PRKAG2: variants seen among roughly 807,000 people sequenced by gnomAD.
PRKAG2 encodes the protein protein kinase AMP-activated non-catalytic subunit gamma 2.
In PRKAG2, 26 loss-of-function variants were observed where a neutral mutation model predicts 69.6. That is an observed-to-expected ratio of 0.37 (90% CI 0.27 to 0.52). The LOEUF is 0.52. Ranked by LOEUF, PRKAG2 falls within the 20% of genes least tolerant of loss-of-function variation. The pLI is 0.90. For missense variants in PRKAG2, 557 were observed against 740.0 expected (o/e 0.75, Z 2.87); for synonymous variants, 293 against 285.0 (o/e 1.03, Z -0.28).
intron 2 of PRKAG2, among the ~76,000 whole-genome samples, chr7:151,783,434 G>A (rs1031362638): frequency 6.6e-6 from 1 of 152,020 alleles, no homozygotes; most frequent in East Asian, 1.9e-4. Context: ...TCCACCTCCC[G>A]GGCTCAAGCA....
At position 151,583,587 on chromosome 7, in the gene PRKAG2, A is replaced by G. The variant is rs1419729897; in HGVS notation, c.865-7135T>C. Among the ~76,000 whole-genome samples, 2 of 152,182 alleles carry G rather than the reference A, an allele frequency of 1.3e-5. No individual in the cohort carries two copies. The highest frequency in any genetic ancestry group is 2.9e-5 in the Non-Finnish European group (2 of 68,038). ...TAAAATCATACTTGGAAAATTCTCC[A>G]TAATTATAGACGGCACAGGGTGTTC... On this transcript the variant is annotated intron_variant, in intron 6 of 15. Transcript: ENST00000287878. This position sits in a 1 kb window ranked among gnomAD's most constrained non-coding sequence, Gnocchi z 4.1.
chr7:151,774,851 C>G (rs140122054), intron 3 of PRKAG2, among the ~76,000 whole-genome samples: 3 of 152,096 alleles, frequency 2.0e-5, no homozygotes, highest in Non-Finnish European at 2.9e-5. Context: ...TTATCAAGCT[C>G]TGGTGTATAT....
intron 3 of PRKAG2, among the ~76,000 whole-genome samples, chr7:151,748,938 A>G (rs2074482503): frequency 6.8e-6 from 1 of 146,526 alleles, no homozygotes. Context: ...TTTGCTAATC[A>G]TTCGCCAAAA....
rs397517275 is a variant in PRKAG2 at position 151,675,510 on chromosome 7, CG to C, written c.593del (p.Pro198ArgfsTer56). The C allele has an allele frequency of 1.2e-6, 2 of 1,613,918 alleles. No homozygotes were observed. The highest frequency in any genetic ancestry group is 1.3e-5 in the African/African-American group (1 of 74,902). ...ACGGGCAGAACCTCTGCCCTGTGTC[CG>C]GGGGGGAAGACGAGGCATAGATGCG... Reference protein sequence around the residue: ...ENRIYASSSPPDTGQRFCPSS... With the variant: ...ENRIYASSSPXDTGQRFCPSS... On this transcript the variant is annotated frameshift_variant, in exon 4 of 16. Transcript: ENST00000287878. LOFTEE classifies it high-confidence loss of function.
chr7:151,562,602 A>G (rs1234014508), intron 14 of PRKAG2, among the ~76,000 whole-genome samples: 2 of 152,178 alleles, frequency 1.3e-5, no homozygotes, highest in African/African-American at 4.8e-5. Context: ...TTATTTGCTA[A>G]CTATAATCAC....
intron 6 of PRKAG2, among the ~76,000 whole-genome samples, chr7:151,582,905 T>C (rs1011576380): frequency 6.6e-6 from 1 of 152,212 alleles, no homozygotes; most frequent in Non-Finnish European, 1.5e-5. Flanking sequence ...AGGGTGTGGA[T>C]TGAATAGGCT....
intron 1 of PRKAG2, among the ~76,000 whole-genome samples, chr7:151,862,856 T>G (rs547965601): frequency 5.1e-4 from 73 of 143,756 alleles, no homozygotes; most frequent in African/African-American, 1.9e-3. Flanking sequence ...GGTAGATCCC[T>G]GGGTTCAGAG....
chr7:151,776,727 G>A (rs7809589), intron 3 of PRKAG2, among the ~76,000 whole-genome samples: 2 of 152,134 alleles, frequency 1.3e-5, no homozygotes, highest in African/African-American at 2.4e-5. Flanking sequence ...AGGCCCAGCC[G>A]GGGCAGTGCA....
intron 15 of PRKAG2, 55 bp downstream of exon 15, chr7:151,560,469 C>A: frequency 1.2e-6 from 2 of 1,613,564 alleles, no homozygotes; most frequent in South Asian, 2.2e-5. Context: ...ACTTCCTGTT[C>A]TACCTCCCAC....
intron 3 of PRKAG2, among the ~76,000 whole-genome samples, chr7:151,709,719 T>C (rs570712186): frequency 1.1e-3 from 162 of 152,280 alleles, no homozygotes; most frequent in African/African-American, 3.6e-3. Context: ...ACAAGTGACA[T>C]TGCGTGACAC....
intron 3 of PRKAG2, among the ~76,000 whole-genome samples, chr7:151,770,535 T>A (rs535364625): frequency 6.6e-6 from 1 of 152,348 alleles, no homozygotes; most frequent in African/African-American, 2.4e-5. Context: ...TCCCAGCCTG[T>A]CAGAATGGTG....
chr7:151,677,181 AAT>A (rs1443567385), intron 3 of PRKAG2, among the ~76,000 whole-genome samples: 5 of 151,908 alleles, frequency 3.3e-5, no homozygotes, highest in Non-Finnish European at 5.9e-5. Flanking sequence ...TGATATCTCA[AAT>A]CTCTTTTTCT....
At chr7:151,623,864 G>C (rs1394259578) in intron 5 of PRKAG2, among the ~76,000 whole-genome samples, 1 of 152,126 alleles carries the variant, frequency 6.6e-6, no homozygotes, top group Non-Finnish European at 1.5e-5. Context: ...TGAAGACTGA[G>C]AGCCAAGGAA....
At chr7:151,856,529 T>A (rs1211192582) in intron 1 of PRKAG2, among the ~76,000 whole-genome samples, 1 of 152,240 alleles carries the variant, frequency 6.6e-6, no homozygotes, top group Non-Finnish European at 1.5e-5. Context: ...TCAATTGGCC[T>A]CGCCGTGGCC....
chr7:151,595,912 G>A (rs1420055016), intron 5 of PRKAG2, among the ~76,000 whole-genome samples: 2 of 152,164 alleles, frequency 1.3e-5, no homozygotes, highest in African/African-American at 4.8e-5. Flanking sequence ...GCTCACACCT[G>A]TAATCCCAGA....
At chr7:151,791,895 C>A (rs903223034) in intron 1 of PRKAG2, among the ~76,000 whole-genome samples, 12 of 152,188 alleles carry the variant, frequency 7.9e-5, no homozygotes, top group African/African-American at 2.4e-4. Context: ...CTTACAGCAA[C>A]CCACACAAGT....
intron 4 of PRKAG2, among the ~76,000 whole-genome samples, chr7:151,634,946 T>G (rs4726072): frequency 1.2e-4 from 16 of 131,502 alleles, no homozygotes; most frequent in South Asian, 2.2e-4. Flanking sequence ...ACTGTTTTTT[T>G]TTTTTTTTTT....
At chr7:151,785,607 T>C (rs2076964372) in intron 2 of PRKAG2, among the ~76,000 whole-genome samples, 1 of 152,194 alleles carries the variant, frequency 6.6e-6, no homozygotes. Context: ...CCTGCCTTCA[T>C]CCCAGGCTAG....
chr7:151,755,923 C>A (rs570119522), intron 3 of PRKAG2, among the ~76,000 whole-genome samples: 1 of 152,346 alleles, frequency 6.6e-6, no homozygotes, highest in South Asian at 2.1e-4. Context: ...ATATAAATCA[C>A]CTGTGCACAC....
Sources: allele counts gnomAD v4.1 joint callset (sites outside exome capture counted in the v4.1 genomes callset), GRCh38; gene constraint gnomAD v4.1.1; non-coding constraint Gnocchi (gnomAD v3.1); transcripts MANE v1.5; gene names NCBI Gene and HGNC (gene_info 2026-07-23, HGNC 2026-07-21).